DENND5B: variants seen among roughly 807,000 people sequenced by gnomAD.
DENND5B encodes DENN domain containing 5B.
A neutral mutation model predicts 140.6 loss-of-function variants in DENND5B; 34 were observed. The observed-to-expected ratio is 0.24, with a 90% CI of 0.18 to 0.32. DENND5B has a LOEUF of 0.32. Among genes scored for constraint, DENND5B ranks in the 10% least tolerant of loss-of-function variants. The pLI is 1.00. For synonymous variants in DENND5B, 551 were observed against 562.1 expected, an observed-to-expected ratio of 0.98 and a Z score of 0.28; for missense variants, 1,142 against 1,560.2, an observed-to-expected ratio of 0.73 and a Z score of 4.52.
chr12:31,395,767 T>C (rs948625088), intron 17 of DENND5B, among the ~76,000 whole-genome samples: 4 of 152,070 alleles, frequency 2.6e-5, no homozygotes, highest in African/African-American at 9.7e-5. Flanking sequence ...AATCTATAGA[T>C]AAAAAGCCCC....
At chr12:31,486,976 G>A (rs1412473653) in intron 2 of DENND5B, among the ~76,000 whole-genome samples, 1 of 152,138 alleles carries the variant, frequency 6.6e-6, no homozygotes, top group East Asian at 1.9e-4. Context: ...TCAAGGGCTA[G>A]TACTTCATTT....
At position 31,388,531 on chromosome 12, in the gene DENND5B, T is replaced by C. The variant is rs563024676; in HGVS notation, c.3642-745A>G. On this transcript the variant is annotated intron_variant, in intron 20 of 20. Transcript: ENST00000389082. ...GATCAAACCTGACATTAGTAACCCA[T>C]TGCTAAGTTCCTAAGACATCCTTAT... 2.0e-5 allele frequency among the ~76,000 whole-genome samples: 3 copies of C among 152,206 alleles called. No individual in the cohort carries two copies. The South Asian group carries it at 6.2e-4, about 31-fold the overall frequency.
chr12:31,469,047 T>C (rs1015440337), intron 3 of DENND5B, among the ~76,000 whole-genome samples: 1 of 151,696 alleles, frequency 6.6e-6, no homozygotes, highest in Admixed American at 6.6e-5. Flanking sequence ...AAGAAAAAAA[T>C]AGAGGTGGCC....
chr12:31,527,742 C>A (rs920954082), intron 1 of DENND5B, among the ~76,000 whole-genome samples: 5 of 152,070 alleles, frequency 3.3e-5, no homozygotes, highest in African/African-American at 1.2e-4. Flanking sequence ...CATGCCACTA[C>A]ACTCTAGCCT....
At chr12:31,393,092 CA>C (rs1941234059) in intron 17 of DENND5B, among the ~76,000 whole-genome samples, 1 of 152,122 alleles carries the variant, frequency 6.6e-6, no homozygotes. Flanking sequence ...ATATGAGAAG[CA>C]AGGTTGAGAA....
chr12:31,462,397 C>T (rs966374479), intron 3 of DENND5B, among the ~76,000 whole-genome samples: 2 of 152,026 alleles, frequency 1.3e-5, no homozygotes, highest in Admixed American at 6.6e-5. Flanking sequence ...CCCCTGAGGT[C>T]GGCTGGATGG....
intron 3 of DENND5B, among the ~76,000 whole-genome samples, chr12:31,471,900 G>A (rs899695687): frequency 6.6e-6 from 1 of 152,078 alleles, no homozygotes; most frequent in African/African-American, 2.4e-5. Context: ...AAAGCTACTC[G>A]AAGTCTGTTT....
chr12:31,539,742 C>T (rs1362518377), intron 1 of DENND5B, among the ~76,000 whole-genome samples: 1 of 151,736 alleles, frequency 6.6e-6, no homozygotes, highest in Non-Finnish European at 1.5e-5. Context: ...AATATAATTA[C>T]ACCATATATG....
intron 1 of DENND5B, among the ~76,000 whole-genome samples, chr12:31,562,907 T>C (rs1460029770): frequency 2.7e-5 from 4 of 145,650 alleles, no homozygotes; most frequent in Admixed American, 2.2e-4. Flanking sequence ...TATTCATCTA[T>C]AAACTGCTTT....
chr12:31,429,998 C>T lies in DENND5B; in HGVS notation c.2106+3157G>A, dbSNP rs150978094. Among the ~76,000 whole-genome samples the T allele has an allele frequency of 5.3e-5, 8 of 151,834 alleles. 1 individual carries two copies. Among genetic ancestry groups the T allele is most frequent in the African/African-American group, 1.9e-4 (8 of 41,444 alleles). Reference sequence around the variant, plus strand: ...TTGGGATTATAGGTGTGAGCCACCGCCCAGCCTGAATACTTTTTTGTTTGT... The same window carrying T: ...TTGGGATTATAGGTGTGAGCCACCGTCCAGCCTGAATACTTTTTTGTTTGT... On this transcript the variant is annotated intron_variant, in intron 8 of 20. Coordinates refer to ENST00000389082, the MANE Select transcript of DENND5B (RefSeq NM_144973.4).
chr12:31,430,565 G>T (rs1943468033), intron 8 of DENND5B, among the ~76,000 whole-genome samples: 1 of 151,258 alleles, frequency 6.6e-6, no homozygotes, highest in South Asian at 2.1e-4. Flanking sequence ...CAGCTACTTG[G>T]GAGGCCTAGG....
rs1286021597 is a variant in DENND5B at position 31,433,151 on chromosome 12, A to G, written c.2106+4T>C. The G allele has an allele frequency of 1.2e-6, 2 of 1,613,678 alleles. No individual in the cohort carries two copies. Among genetic ancestry groups the G allele is most frequent in the East Asian group, 2.2e-5 (1 of 44,876 alleles). On this transcript the variant is annotated splice_donor_region_variant and intron_variant, in intron 8 of 20. Transcript: ENST00000389082. ...GAGGCACCCCAGGAAGGTAGACCACATACCTCCCTCAAGTCGTTGTCCAGC... is the reference window on the plus strand; with the variant it reads ...GAGGCACCCCAGGAAGGTAGACCACGTACCTCCCTCAAGTCGTTGTCCAGC...
chr12:31,488,466 A>G (rs1392784319), intron 2 of DENND5B, among the ~76,000 whole-genome samples: 1 of 152,184 alleles, frequency 6.6e-6, no homozygotes, highest in Non-Finnish European at 1.5e-5. Context: ...GCACATTCAA[A>G]CATTTACAGA....
chr12:31,491,276 G>A (rs1004144060), intron 2 of DENND5B, among the ~76,000 whole-genome samples: 6 of 152,072 alleles, frequency 3.9e-5, no homozygotes, highest in Admixed American at 3.3e-4. Context: ...AACATAGGGA[G>A]ACCCCGTCTC....
intron 14 of DENND5B, among the ~76,000 whole-genome samples, chr12:31,404,517 A>G (rs1001072044): frequency 6.6e-6 from 1 of 152,058 alleles, no homozygotes; most frequent in East Asian, 1.9e-4. Flanking sequence ...GTAGTGGCAC[A>G]TTCTTGGCTC....
rs1201872504 is a variant in DENND5B at position 31,384,315 on chromosome 12, G to A, written c.*3288C>T. On this transcript the variant is annotated 3_prime_UTR_variant, in exon 21 of 21. Transcript: ENST00000389082. ...TGGGACTACAGGTGTGTACTGCCAT[G>A]CCCAACATGTCTTATTTCTTTATAA... The A allele has an allele frequency of 6.6e-6, 1 of 152,154 alleles. No homozygotes were observed. The highest frequency in any genetic ancestry group is 2.4e-5 in the African/African-American group (1 of 41,440). The allele number at this position is 152,154 out of a possible 1,614,324, so 9.4% of individuals were successfully genotyped here. A position where few individuals can be genotyped will look rare whatever the true frequency, so the allele number is the denominator to read the frequency against.
chr12:31,464,938 G>A (rs905889402), intron 3 of DENND5B: 2 of 152,160 alleles, frequency 1.3e-5, no homozygotes, highest in African/African-American at 4.8e-5. Context: ...GCCAGTAAAC[G>A]TGCTTTGAGA....
At chr12:31,565,949 C>T (rs1217706199) in intron 1 of DENND5B, among the ~76,000 whole-genome samples, 4 of 151,472 alleles carry the variant, frequency 2.6e-5, no homozygotes, top group Admixed American at 6.6e-5. Flanking sequence ...TGAGACCAGC[C>T]TGGGCAACAT....
chr12:31,502,330 CAAAAAA>C (rs113701573), intron 1 of DENND5B, among the ~76,000 whole-genome samples: 1 of 146,450 alleles, frequency 6.8e-6, no homozygotes, highest in African/African-American at 2.5e-5. Context: ...AAAACAAAAA[CAAAAAA>C]AACATTATAT....
Sources: allele counts gnomAD v4.1 joint callset (sites outside exome capture counted in the v4.1 genomes callset), GRCh38; gene constraint gnomAD v4.1.1; transcripts MANE v1.5; gene names NCBI Gene and HGNC (gene_info 2026-07-23, HGNC 2026-07-21).